SYNE1: variants seen among roughly 807,000 people sequenced by gnomAD.
SYNE1 encodes the protein nesprin-1.
Under a neutral mutation model 1,111.0 loss-of-function variants are expected in SYNE1, and 616 were observed. The ratio of observed to expected loss-of-function variants is 0.55; its 90% CI spans 0.52 to 0.59. SYNE1 has a LOEUF of 0.59. Ranked by LOEUF, SYNE1 falls within the 20% of genes least tolerant of loss-of-function variation. The pLI is 0.00. For missense variants in SYNE1, 10,006 were observed against 10,417.0 expected, an observed-to-expected ratio of 0.96 and a Z score of 1.72; for synonymous variants, 3,855 against 3,825.8, an observed-to-expected ratio of 1.01 and a Z score of -0.28.
chr6:152,489,907 G>C (rs1383455416), intron 11 of SYNE1, among the ~76,000 whole-genome samples: 1 of 152,124 alleles, frequency 6.6e-6, no homozygotes. Flanking sequence ...AAATCCGTAT[G>C]TCTAAGTTCC....
chr6:152,430,299 C>T (rs528470014), intron 35 of SYNE1, 89 bp from the exon 36 acceptor site: 2 of 1,191,894 alleles, frequency 1.7e-6, no homozygotes, highest in South Asian at 1.3e-5. Context: ...GCATACCTAC[C>T]TTTTATGGAT....
At position 152,141,219 on chromosome 6, in the gene SYNE1, G is replaced by C; in HGVS notation, c.25230C>G (p.Thr8410=). The C allele has an allele frequency of 6.2e-7, 1 of 1,614,074 alleles. No homozygotes were observed. Among genetic ancestry groups the C allele is most frequent in the Non-Finnish European group, 8.5e-7 (1 of 1,179,996 alleles). ...SLPGFVNLHS[T]ETQTAGVIDR... is the part of the protein sequence containing the mutation. Reference sequence around the variant, plus strand: ...CGCACTCACCAGCCGTTTGGGTTTCGGTACTATGCAGGTTAACAAAGCCAG... The same window carrying C: ...CGCACTCACCAGCCGTTTGGGTTTCCGTACTATGCAGGTTAACAAAGCCAG... Residue 8410 remains threonine (T), a synonymous_variant, in exon 139 of 146, where the codon ACC becomes ACG. Coordinates refer to ENST00000367255, the MANE Select transcript of SYNE1 (RefSeq NM_182961.4).
chr6:152,135,535 C>T (rs112299846), intron 141 of SYNE1, among the ~76,000 whole-genome samples: 82 of 152,346 alleles, frequency 5.4e-4, no homozygotes, highest in African/African-American at 1.8e-3. Flanking sequence ...ACTCTGCTGC[C>T]CTCTCTTCTC....
At chr6:152,411,335 A>G (rs1247023895) in intron 42 of SYNE1, among the ~76,000 whole-genome samples, 1 of 151,998 alleles carries the variant, frequency 6.6e-6, no homozygotes, top group Non-Finnish European at 1.5e-5. Context: ...TTCATTTGTT[A>G]TTTATTTATT....
chr6:152,275,200 C>A (rs1366344097), intron 98 of SYNE1, among the ~76,000 whole-genome samples: 1 of 152,110 alleles, frequency 6.6e-6, no homozygotes, highest in African/African-American at 2.4e-5. Flanking sequence ...AGCCACCAAG[C>A]CCTGCCAATG....
Position 152,133,351 on chromosome 6 carries a change from G to C in SYNE1, c.25926C>G (p.Leu8642=). ...KEKVHVIGNR[L]KLLLKEVSRH... ...GACTGACCTCCTTCAAGAGAAGTTT[G>C]AGCCGATTTCCAATAACATGGACTT... Residue 8642 remains leucine, a synonymous_variant, in exon 143 of 146, where the codon CTC becomes CTG. Coordinates refer to ENST00000367255, the MANE Select transcript of SYNE1 (RefSeq NM_182961.4). 2 of 1,614,124 alleles carry C rather than the reference G, an allele frequency of 1.2e-6. No homozygotes were observed. The highest frequency in any genetic ancestry group is 1.7e-6 in the Non-Finnish European group (2 of 1,180,028).
chr6:152,218,771 G>A (rs2079363214), intron 120 of SYNE1, among the ~76,000 whole-genome samples: 1 of 152,182 alleles, frequency 6.6e-6, no homozygotes, highest in Non-Finnish European at 1.5e-5. Context: ...ATGGTGGCAG[G>A]CATTGGTTCA....
intron 14 of SYNE1, among the ~76,000 whole-genome samples, chr6:152,475,826 T>G (rs964464097): frequency 2.6e-5 from 4 of 152,206 alleles, no homozygotes; most frequent in Non-Finnish European, 5.9e-5. Flanking sequence ...GGTGTTTTGA[T>G]AATGGAAGCC....
intron 76 of SYNE1, among the ~76,000 whole-genome samples, chr6:152,334,854 C>T (rs2096344477): frequency 5.9e-5 from 9 of 152,226 alleles, no homozygotes; most frequent in Admixed American, 5.9e-4. Flanking sequence ...TACCCAGCCC[C>T]TATTCAAGAT....
intron 97 of SYNE1, among the ~76,000 whole-genome samples, chr6:152,279,236 T>G (rs150098893): frequency 5.3e-4 from 78 of 146,358 alleles, no homozygotes; most frequent in African/African-American, 2.0e-3. Context: ...TCTTCCTAGA[T>G]AAGACTTAAA....
At chr6:152,415,231 A>G (rs940225167) in intron 41 of SYNE1, among the ~76,000 whole-genome samples, 2 of 152,326 alleles carry the variant, frequency 1.3e-5, no homozygotes, top group East Asian at 3.9e-4. Context: ...TTACTTTTCA[A>G]ATTTACTAAG....
intron 18 of SYNE1, among the ~76,000 whole-genome samples, chr6:152,463,855 G>T (rs907065760): frequency 2.2e-4 from 33 of 152,124 alleles, no homozygotes; most frequent in African/African-American, 7.7e-4. Context: ...GTAAATACCA[G>T]TGCCAGAGTC....
chr6:152,381,014 T>C lies in SYNE1; in HGVS notation c.9001A>G (p.Lys3001Glu). Residue 3001 changes from lysine (K) to glutamate (E), a missense_variant, in exon 56 of 146, where the codon AAA becomes GAA. Physicochemically the swap from Lys to Glu is moderately conservative, Grantham distance 56. Around this residue, in one of 7 missense-constraint regions of SYNE1, gnomAD observed 4,955 missense variants for 5,017.2 expected, o/e 0.99. Coordinates refer to ENST00000367255, the MANE Select transcript of SYNE1 (RefSeq NM_182961.4). ...TDEEIVECWH[K>E]GQEILDALQK... ...ACAGGAAGCCAACTTACTTGTCCTT[T>C]GTGCCAGCATTCCACTATCTCCTCA... 6.2e-7 allele frequency: 1 copy of C among 1,614,138 alleles called. No homozygotes were observed. Among genetic ancestry groups the C allele is most frequent in the Non-Finnish European group, 8.5e-7 (1 of 1,179,976 alleles).
Position 152,441,203 on chromosome 6 carries a change from GTTTGAAAAAGGTATCTT to G in SYNE1, c.4059_4075del (p.Tyr1355PhefsTer4), listed in dbSNP as rs1311065209. 1.2e-6 allele frequency: 2 copies of G among 1,612,754 alleles called. No homozygotes were observed. The highest frequency in any genetic ancestry group is 2.7e-5 in the African/African-American group (2 of 74,878). ...CAAGAAGCGTTCATGACTGGAACCT[GTTTGAAAAAGGTATCTT>G]ACTACTGTTTCTTTGTTTGTTTCAA... On this transcript the variant is annotated frameshift_variant, in exon 32 of 146. Transcript: ENST00000367255. LOFTEE classifies it high-confidence loss of function.
At chr6:152,614,688 G>A (rs928741704) in intron 3 of SYNE1, among the ~76,000 whole-genome samples, 2 of 152,168 alleles carry the variant, frequency 1.3e-5, no homozygotes, top group South Asian at 2.1e-4. Flanking sequence ...GCACACGTAT[G>A]TTTATTGCAG....
intron 114 of SYNE1, 101 bp from the exon 115 acceptor site, chr6:152,230,803 T>C: frequency 1.5e-6 from 2 of 1,351,118 alleles, no homozygotes; most frequent in East Asian, 2.5e-5. Context: ...AAATTAAGAA[T>C]TCTTAAAATA....
chr6:152,289,009 G>A (rs1292214936), intron 95 of SYNE1, among the ~76,000 whole-genome samples: 1 of 152,110 alleles, frequency 6.6e-6, no homozygotes, highest in East Asian at 1.9e-4. Flanking sequence ...AAAATGTTTT[G>A]GAACCAGAGA....
intron 130 of SYNE1, among the ~76,000 whole-genome samples, chr6:152,173,939 C>A (rs777188882): frequency 4.6e-5 from 7 of 152,124 alleles, no homozygotes; most frequent in Non-Finnish European, 8.8e-5. Flanking sequence ...CACTGAACAG[C>A]CAGACAAAAT....
chr6:152,182,557 T>C (rs1217905389), intron 128 of SYNE1, among the ~76,000 whole-genome samples: 2 of 152,346 alleles, frequency 1.3e-5, no homozygotes, highest in East Asian at 1.9e-4. Context: ...CCTTAATACA[T>C]TTACTTTTTA....
Sources: allele counts gnomAD v4.1 joint callset (sites outside exome capture counted in the v4.1 genomes callset), GRCh38; gene constraint gnomAD v4.1.1; regional missense constraint gnomAD v4.1.1; transcripts MANE v1.5; gene names NCBI Gene and HGNC (gene_info 2026-07-23, HGNC 2026-07-21).